Variants in SP140L observed in about 807,000 individuals in gnomAD.
The protein encoded by SP140L is SP140 like nuclear body protein, also known as nuclear body protein SP140-like protein.
In SP140L, 64 loss-of-function variants were observed where a neutral mutation model predicts 84.3. The observed-to-expected ratio is 0.76, with a 90% CI of 0.62 to 0.94. The LOEUF (loss-of-function observed/expected upper bound fraction) is 0.94. SP140L is among the 40% of genes least tolerant of loss of function. SP140L has a pLI of 0.00. For synonymous variants in SP140L, 242 were observed against 236.9 expected, an observed-to-expected ratio of 1.02 and a Z score of -0.20; for missense variants, 628 against 692.5, an observed-to-expected ratio of 0.91 and a Z score of 1.05.
chr2:230,398,188 G>A (rs2062139779), intron 14 of SP140L, among the ~76,000 whole-genome samples: 1 of 152,262 alleles, frequency 6.6e-6, no homozygotes, highest in Middle Eastern at 3.4e-3. Flanking sequence ...GTCCCCAGAT[G>A]ATGCTGATAC....
At chr2:230,327,548 C>T (rs1182601142) in intron 1 of SP140L, among the ~76,000 whole-genome samples, 1 of 152,222 alleles carries the variant, frequency 6.6e-6, no homozygotes, top group African/African-American at 2.4e-5. Context: ...TTTGAAACTA[C>T]TGCTCAGCTG....
At chr2:230,393,293 C>T (rs1233639337) in intron 12 of SP140L, 121 bp from the exon 13 acceptor site, 10 of 1,063,144 alleles carry the variant, frequency 9.4e-6, no homozygotes, top group Non-Finnish European at 1.3e-5. Flanking sequence ...CATTCAGACA[C>T]ACTGGGTTTG....
At chr2:230,371,051 C>T (rs2061051672) in intron 6 of SP140L, 84 bp downstream of exon 6, 26 of 1,192,222 alleles carry the variant, frequency 2.2e-5, no homozygotes, top group South Asian at 6.3e-5. Flanking sequence ...TGCTCCAGTC[C>T]GCCCAGAATC....
intron 18 of SP140L, 21 bp from the exon 19 acceptor site, chr2:230,402,777 G>T (rs373100633): frequency 1.9e-6 from 3 of 1,580,462 alleles, no homozygotes; most frequent in South Asian, 1.1e-5. Context: ...CATCGTTTTT[G>T]TCTTTATTAC....
chr2:230,354,948 G>T (rs930170342), intron 2 of SP140L, among the ~76,000 whole-genome samples: 1 of 151,750 alleles, frequency 6.6e-6, no homozygotes, highest in African/African-American at 2.4e-5. Context: ...GAAAAAGAAA[G>T]AAAGAGAAAG....
At chr2:230,328,881 G>A in intron 2 of SP140L, 50 bp downstream of exon 2, 1 of 1,576,526 alleles carries the variant, frequency 6.3e-7, no homozygotes, top group Non-Finnish European at 8.6e-7. Flanking sequence ...TGATAATGTG[G>A]AAAGCTGAAC....
At position 230,361,604 on chromosome 2, in the gene SP140L, C is replaced by A; in HGVS notation, c.440-10C>A. 1.3e-6 allele frequency: 2 copies of A among 1,553,240 alleles called. No individual in the cohort carries two copies. The highest frequency in any genetic ancestry group is 1.2e-5 in the South Asian group (1 of 84,174). ...TCTTTAATTGCTTTCTTCTCTCTCCCACTCTTCAGCAATCCAAGACAAATT... is the reference window on the plus strand; with the variant it reads ...TCTTTAATTGCTTTCTTCTCTCTCCAACTCTTCAGCAATCCAAGACAAATT... On this transcript the variant is annotated splice_polypyrimidine_tract_variant and intron_variant, in intron 4 of 18. Transcript: ENST00000415673.
chr2:230,385,147 T>C, intron 8 of SP140L, 77 bp from the exon 9 acceptor site: 1 of 1,447,366 alleles, frequency 6.9e-7, no homozygotes, highest in South Asian at 1.2e-5. Flanking sequence ...CAGGACTCCC[T>C]CACTTGCGTT....
At chr2:230,385,170 T>C in intron 8 of SP140L, 54 bp from the exon 9 acceptor site, 1 of 1,579,294 alleles carries the variant, frequency 6.3e-7, no homozygotes, top group Non-Finnish European at 8.7e-7. Context: ...GTCCAGCCTG[T>C]GAGCTGTTGT....
At chr2:230,348,452 T>C (rs1284303432) in intron 2 of SP140L, among the ~76,000 whole-genome samples, 2 of 152,220 alleles carry the variant, frequency 1.3e-5, no homozygotes, top group Non-Finnish European at 2.9e-5. Flanking sequence ...TGTTGTGGTT[T>C]GAATTTGCTT....
chr2:230,371,705 G>GC (rs1279435065), intron 7 of SP140L, 54 bp downstream of exon 7: 1 of 1,430,204 alleles, frequency 7.0e-7, no homozygotes, highest in Non-Finnish European at 9.7e-7. Flanking sequence ...CATTTTTAAT[G>GC]CCAGAGTTTT....
chr2:230,340,241 T>A (rs1020705037), intron 2 of SP140L, among the ~76,000 whole-genome samples: 1 of 151,118 alleles, frequency 6.6e-6, no homozygotes, highest in African/African-American at 2.4e-5. Flanking sequence ...TTTACCATTA[T>A]GTAATGGCCT....
At chr2:230,337,267 T>C (rs539376932) in intron 2 of SP140L, among the ~76,000 whole-genome samples, 121 of 152,282 alleles carry the variant, frequency 7.9e-4, no homozygotes, top group African/African-American at 2.9e-3. Flanking sequence ...TTTTTTCATG[T>C]GTCTTTTGGC....
chr2:230,373,080 G>A (rs2061138641), intron 7 of SP140L, among the ~76,000 whole-genome samples: 2 of 152,212 alleles, frequency 1.3e-5, no homozygotes, highest in African/African-American at 4.8e-5. Flanking sequence ...GCTGTGAGAT[G>A]TAGAAAGCTT....
At chr2:230,369,220 G>A (rs796990734) in intron 5 of SP140L, among the ~76,000 whole-genome samples, 32 of 132,476 alleles carry the variant, frequency 2.4e-4, no homozygotes, top group African/African-American at 8.7e-4. Flanking sequence ...TGCTGGGGCA[G>A]GCCTTGAGCC....
At chr2:230,394,667 A>G (rs2061969721) in intron 13 of SP140L, among the ~76,000 whole-genome samples, 1 of 152,170 alleles carries the variant, frequency 6.6e-6, no homozygotes, top group Non-Finnish European at 1.5e-5. Context: ...CAGGGGTGCA[A>G]CACTTAGCAG....
chr2:230,383,059 T>C (rs1013568815), intron 7 of SP140L, among the ~76,000 whole-genome samples: 3 of 152,218 alleles, frequency 2.0e-5, no homozygotes, highest in African/African-American at 4.8e-5. Context: ...TCTATAATGA[T>C]TATGTAATTG....
chr2:230,371,474 A>G (rs1009174188), intron 6 of SP140L, 124 bp from the exon 7 acceptor site: 1 of 929,702 alleles, frequency 1.1e-6, no homozygotes, highest in Admixed American at 2.9e-5. Context: ...CCTCTAGAAG[A>G]AAGAGAGAAA....
chr2:230,382,539 A>G (rs1365612227), intron 7 of SP140L, among the ~76,000 whole-genome samples: 2 of 152,106 alleles, frequency 1.3e-5, no homozygotes, highest in Non-Finnish European at 2.9e-5. Flanking sequence ...TAGATCTTCC[A>G]TCCACAAAAT....
Sources: gnomAD v4.1 joint callset for allele counts (sites outside exome capture counted in the v4.1 genomes callset) on GRCh38, gnomAD v4.1.1 for gene constraint, MANE v1.5 for transcripts, NCBI Gene and HGNC (gene_info 2026-07-23, HGNC 2026-07-21) for gene names.